LDHC: variants seen among roughly 807,000 people sequenced by gnomAD.
LDHC encodes lactate dehydrogenase C.
LDHC carries 20 observed loss-of-function variants against 30.2 expected under a neutral mutation model. That is an observed-to-expected ratio of 0.66 (90% CI 0.47 to 0.96). The LOEUF (loss-of-function observed/expected upper bound fraction) is 0.96. Ranked by LOEUF, LDHC falls within the 40% of genes least tolerant of loss-of-function variation. LDHC has a pLI of 0.00. For synonymous variants in LDHC, 139 were observed against 132.7 expected (o/e 1.05, Z -0.32); for missense variants, 362 against 394.9 (o/e 0.92, Z 0.71).
At chr11:18,418,762 A>C (rs1025336870) in intron 3 of LDHC, among the ~76,000 whole-genome samples, 4 of 152,132 alleles carry the variant, frequency 2.6e-5, no homozygotes, top group Admixed American at 2.6e-4. Flanking sequence ...TTCAACTTTC[A>C]ATTTCTAATA....
rs114579950 is a variant in LDHC at position 18,421,540 on chromosome 11, A to T, written c.244+6239A>T. Among the ~76,000 whole-genome samples the T allele has an allele frequency of 3.6e-3, 554 of 151,908 alleles. 8 individuals carry two copies. The highest frequency in any genetic ancestry group is 0.013 in the African/African-American group (536 of 41,466). Reference sequence around the variant, plus strand: ...ATACAAAAATTAGTTGGGCGTGCTGATGCATGCCTATAATCCCAGCTACTC... The same window carrying T: ...ATACAAAAATTAGTTGGGCGTGCTGTTGCATGCCTATAATCCCAGCTACTC... On this transcript the variant is annotated intron_variant, in intron 3 of 7. Coordinates refer to ENST00000541669, the MANE Select transcript of LDHC (RefSeq NM_017448.5).
At chr11:18,420,917 G>C (rs952593788) in intron 3 of LDHC, among the ~76,000 whole-genome samples, 1 of 152,102 alleles carries the variant, frequency 6.6e-6, no homozygotes, top group Non-Finnish European at 1.5e-5. Context: ...AAATATACGG[G>C]CGAGGGGTGA....
chr11:18,439,631 T>G (rs117311572), intron 6 of LDHC, among the ~76,000 whole-genome samples: 3,776 of 148,368 alleles, frequency 0.025, 77 homozygotes, highest in South Asian at 0.046. Context: ...AATATTGAAC[T>G]TAACAAAAAC....
intron 3 of LDHC, among the ~76,000 whole-genome samples, chr11:18,428,241 G>A (rs1248950280): frequency 2.1e-5 from 3 of 140,704 alleles, no homozygotes; most frequent in Non-Finnish European, 4.5e-5. Flanking sequence ...GCATGATCTG[G>A]GCTCACTGCA....
In LDHC at chr11:18,446,261, G is replaced by A; in HGVS notation, c.762G>A (p.Leu254=). The A allele has an allele frequency of 6.3e-7, 1 of 1,598,770 alleles. No homozygotes were observed. Among genetic ancestry groups the A allele is most frequent in the Non-Finnish European group, 8.6e-7 (1 of 1,166,192 alleles). Residue 254 remains leucine, a synonymous_variant, in exon 7 of 8, where the codon CTG becomes CTA. Coordinates refer to ENST00000541669, the MANE Select transcript of LDHC (RefSeq NM_017448.5). ...LKGYTSWAIG[L]SVMDLVGSIL... is the part of the protein sequence containing the mutation. ...GGTATACCTCTTGGGCTATTGGACT[G>A]TCTGTGATGGATTTGGTAGGATCCA...
intron 3 of LDHC, 102 bp downstream of exon 3, chr11:18,415,403 C>A: frequency 3.2e-6 from 2 of 621,158 alleles, no homozygotes; most frequent in Non-Finnish European, 2.8e-6. Flanking sequence ...TAGCACCATG[C>A]CATTGGGCCA....
chr11:18,420,623 T>C (rs1056786155), intron 3 of LDHC, among the ~76,000 whole-genome samples: 19 of 113,070 alleles, frequency 1.7e-4, no homozygotes, highest in Non-Finnish European at 3.1e-4. Flanking sequence ...CTGGGCAGCA[T>C]AGTGAAATCT....
intron 4 of LDHC, among the ~76,000 whole-genome samples, chr11:18,431,151 A>C (rs1431747720): frequency 2.0e-5 from 3 of 151,934 alleles, no homozygotes; most frequent in East Asian, 1.9e-4. Context: ...CAAAAAAAAA[A>C]CAGTTTTAAA....
At position 18,415,205 on chromosome 11, in the gene LDHC, C is replaced by A; in HGVS notation, c.148C>A (p.Leu50Ile). The change falls in exon 3 of 8, where the codon CTT (leucine) becomes ATT (isoleucine). Residue 50 changes from leucine to isoleucine, a missense_variant. Transcript: ENST00000541669. Reference sequence around the variant, plus strand: ...TTAGGATTTGGCTGATGAACTTGCCCTTGTTGATGTTGCATTGGACAAACT... The same window carrying A: ...TTAGGATTTGGCTGATGAACTTGCCATTGTTGATGTTGCATTGGACAAACT... ...LLKDLADELA[L>I]VDVALDKLKG... The A allele has an allele frequency of 6.2e-7, 1 of 1,603,956 alleles. No individual in the cohort carries two copies. Among genetic ancestry groups the A allele is most frequent in the Non-Finnish European group, 8.5e-7 (1 of 1,173,040 alleles).
At chr11:18,419,491 C>T (rs1867081092) in intron 3 of LDHC, among the ~76,000 whole-genome samples, 1 of 152,156 alleles carries the variant, frequency 6.6e-6, no homozygotes, top group Non-Finnish European at 1.5e-5. Flanking sequence ...TCCAGAAAAC[C>T]TTAAGCAATC....
chr11:18,429,991 T>G, intron 4 of LDHC, 81 bp downstream of exon 4: 5 of 832,842 alleles, frequency 6.0e-6, no homozygotes, highest in Non-Finnish European at 9.6e-6. Context: ...TTCATTGAGT[T>G]AACATTTATA....
chr11:18,423,343 T>C (rs764448264), intron 3 of LDHC, among the ~76,000 whole-genome samples: 1 of 152,212 alleles, frequency 6.6e-6, no homozygotes, highest in Non-Finnish European at 1.5e-5. Context: ...TTTGTTATTA[T>C]TGGACATTCC....
intron 6 of LDHC, among the ~76,000 whole-genome samples, chr11:18,441,179 T>C (rs1290223137): frequency 6.6e-6 from 1 of 151,600 alleles, no homozygotes; most frequent in Admixed American, 6.6e-5. Flanking sequence ...TAGCCACGAA[T>C]TGTTGTCTGA....
rs964815025 is a variant in LDHC at position 18,449,559 on chromosome 11, A to G, written c.835-1404A>G. The stretch of plus-strand genomic sequence containing the variant: ...CAGTCTGAAAAGACAGTGGCTTTCC[A>G]TAGCTAGGCAGATGCCAAAGTGGAA... On this transcript the variant is annotated intron_variant, in intron 7 of 7. Transcript: ENST00000541669. Among the ~76,000 whole-genome samples the G allele has an allele frequency of 2.6e-5, 4 of 151,838 alleles. No homozygotes were observed. In the South Asian group the frequency reaches 8.3e-4, roughly 32 times the overall value.
intron 3 of LDHC, among the ~76,000 whole-genome samples, chr11:18,429,174 G>A (rs945305736): frequency 2.1e-5 from 3 of 142,496 alleles, no homozygotes; most frequent in Non-Finnish European, 3.0e-5. Context: ...GTGCAGTGGC[G>A]CGATCTTTGC....
chr11:18,424,566 C>T (rs1306218766), intron 3 of LDHC, among the ~76,000 whole-genome samples: 1 of 152,054 alleles, frequency 6.6e-6, no homozygotes. Flanking sequence ...CAATGAATCC[C>T]AGTACTAAAT....
In LDHC at chr11:18,451,470, T is replaced by C. The variant is rs1410311310; in HGVS notation, c.*343T>C. 6.4e-6 allele frequency: 1 copy of C among 156,790 alleles called. No homozygotes were observed. The highest frequency in any genetic ancestry group is 2.4e-5 in the African/African-American group (1 of 41,638). 9.7% of individuals were successfully genotyped at this position (156,790 alleles called of 1,614,324 possible). On this transcript the variant is annotated 3_prime_UTR_variant, in exon 8 of 8. Transcript: ENST00000541669. ...TTCACAAACCAAGCCCTTTTTCTAGTATTACAATTTTATCTTGTACTTTCA... is the reference window on the plus strand; with the variant it reads ...TTCACAAACCAAGCCCTTTTTCTAGCATTACAATTTTATCTTGTACTTTCA...
chr11:18,446,872 G>A (rs1848562530), intron 7 of LDHC, among the ~76,000 whole-genome samples: 1 of 152,130 alleles, frequency 6.6e-6, no homozygotes, highest in Non-Finnish European at 1.5e-5. Flanking sequence ...GCTATTTTTA[G>A]GAATTTGGTT....
chr11:18,429,116 C>CTTTTTTTTTTTTTTTTTTT (rs36038254), intron 3 of LDHC, among the ~76,000 whole-genome samples: 1 of 93,924 alleles, frequency 1.1e-5, no homozygotes, highest in African/African-American at 4.1e-5. Context: ...TCATTTTGGT[C>CTTTTTTTTTTTTTTTTTTT]TTTTTTTTTT....
Sources: allele counts gnomAD v4.1 joint callset (sites outside exome capture counted in the v4.1 genomes callset), GRCh38; gene constraint gnomAD v4.1.1; transcripts MANE v1.5; gene names NCBI Gene and HGNC (gene_info 2026-07-23, HGNC 2026-07-21).